Variants in LIPT1 observed in about 807,000 individuals in gnomAD.
LIPT1 encodes lipoyl amidotransferase LIPT1, mitochondrial.
LIPT1 carries 22 observed loss-of-function variants against 25.1 expected under a neutral mutation model. The observed-to-expected ratio is 0.88, with a 90% CI of 0.63 to 1.25. The LOEUF (loss-of-function observed/expected upper bound fraction) is 1.25, where lower values mean the gene tolerates loss of function less well. LIPT1 is among the 50% of genes most tolerant of loss of function. The pLI is 0.00. For missense variants in LIPT1, 399 were observed against 432.8 expected (o/e 0.92, Z 0.69); for synonymous variants, 131 against 150.8 (o/e 0.87, Z 0.96).
rs1301571069 is a variant in LIPT1 at position 99,161,973 on chromosome 2, T to A, written c.16T>A (p.Ser6Thr). 1.3e-6 allele frequency: 2 copies of A among 1,598,694 alleles called. No homozygotes were observed. Among genetic ancestry groups the A allele is most frequent in the Admixed American group, 3.5e-5 (2 of 57,472 alleles). MLIPF[S>T]MKNCFQLLCN... ...TTTTAAAAGCATGCTGATCCCATTTTCAATGAAGAATTGCTTCCAGTTACT... is the reference window on the plus strand; with the variant it reads ...TTTTAAAAGCATGCTGATCCCATTTACAATGAAGAATTGCTTCCAGTTACT... Residue 6 changes from serine to threonine, a missense_variant, in exon 2 of 2, where the codon TCA becomes ACA. Transcript: ENST00000651691.
chr2:99,156,757 G>T (rs2093758562), intron 1 of LIPT1: 1 of 152,224 alleles, frequency 6.6e-6, no homozygotes, highest in Non-Finnish European at 1.5e-5. Flanking sequence ...TAAAATACAT[G>T]CATTGGCTCA....
chr2:99,158,848 T>G, intron 1 of LIPT1, among the ~76,000 whole-genome samples: 1 of 152,246 alleles, frequency 6.6e-6, no homozygotes, highest in East Asian at 1.9e-4. Context: ...GTATTTTAAT[T>G]ATTGCCTTAC....
At chr2:99,158,974 G>T (rs1425102885) in intron 1 of LIPT1, among the ~76,000 whole-genome samples, 1 of 152,118 alleles carries the variant, frequency 6.6e-6, no homozygotes, top group Non-Finnish European at 1.5e-5. Context: ...TGTCGCCCAG[G>T]CTGGAGTGTA....
At chr2:99,161,777 T>G in intron 1 of LIPT1, 180 bp from the exon 2 acceptor site, 2 of 489,414 alleles carry the variant, frequency 4.1e-6, no homozygotes, top group Non-Finnish European at 7.2e-6. Context: ...TGTCTTCATT[T>G]ATTTCTTTTG....
At chr2:99,155,529 C>T in intron 1 of LIPT1, 1 of 455,210 alleles carries the variant, frequency 2.2e-6, no homozygotes, top group Non-Finnish European at 4.4e-6. Flanking sequence ...AGCGAAGTGT[C>T]CCAAGAACAT....
chr2:99,160,276 C>T (rs917615466), intron 1 of LIPT1, among the ~76,000 whole-genome samples: 19 of 152,094 alleles, frequency 1.2e-4, no homozygotes, highest in African/African-American at 3.4e-4. Context: ...GGCATGGTGG[C>T]GCATACCTGT....
Position 99,162,188 on chromosome 2 carries a change from T to C in LIPT1, c.231T>C (p.His77=). The change falls in exon 2 of 2, where the codon CAT becomes CAC. Residue 77 remains histidine (H), a synonymous_variant. Transcript: ENST00000651691. Reference sequence around the variant, plus strand: ...CTCCCTCTGTTGTAATTGGTAGGCATCAAAATCCTTGGCAGGAATGTAACC... The same window carrying C: ...CTCCCTCTGTTGTAATTGGTAGGCACCAAAATCCTTGGCAGGAATGTAACC... ...QNSPSVVIGR[H]QNPWQECNLN... 6.2e-7 allele frequency: 1 copy of C among 1,614,080 alleles called. No individual in the cohort carries two copies. The highest frequency in any genetic ancestry group is 8.5e-7 in the Non-Finnish European group (1 of 1,180,008).
rs1454366201 is a variant in LIPT1 at position 99,162,001 on chromosome 2, G to A, written c.44G>A (p.Cys15Tyr). 1 of 1,611,956 alleles carries A rather than the reference G, an allele frequency of 6.2e-7. No individual in the cohort carries two copies. Among genetic ancestry groups the A allele is most frequent in the Middle Eastern group, 1.7e-4 (1 of 6,050 alleles). The change falls in exon 2 of 2, where the codon TGT (cysteine) becomes TAT (tyrosine). Residue 15 changes from cysteine (C) to tyrosine (Y), a missense_variant. Transcript: ENST00000651691. ...ATGAAGAATTGCTTCCAGTTACTTT[G>A]TAACTGCCAGGTCCCAGCAGCTGGC... The part of the protein sequence containing the change: ...FSMKNCFQLL[C>Y]NCQVPAAGFK...
At chr2:99,156,002 CTT>C (rs2093748681) in intron 1 of LIPT1, among the ~76,000 whole-genome samples, 1 of 152,230 alleles carries the variant, frequency 6.6e-6, no homozygotes, top group Non-Finnish European at 1.5e-5. Flanking sequence ...CTATAGTTCT[CTT>C]TGTAAATCAA....
At chr2:99,155,970 A>T (rs556190138) in intron 1 of LIPT1, among the ~76,000 whole-genome samples, 1 of 152,258 alleles carries the variant, frequency 6.6e-6, no homozygotes, top group African/African-American at 2.4e-5. Flanking sequence ...GCACAGGCTC[A>T]TCTGAATATC....
intron 1 of LIPT1, among the ~76,000 whole-genome samples, chr2:99,158,173 G>C (rs1026697867): frequency 1.3e-5 from 2 of 152,118 alleles, no homozygotes; most frequent in African/African-American, 4.8e-5. Context: ...ATTTGAATGA[G>C]GGCACTCTGG....
chr2:99,155,295 G>A (rs185663050), intron 1 of LIPT1: 123 of 367,684 alleles, frequency 3.3e-4, no homozygotes, highest in Non-Finnish European at 6.2e-4. Context: ...CATGTTGGAC[G>A]CTAGCTGTGT....
At chr2:99,160,997 C>G (rs1265058955) in intron 1 of LIPT1, among the ~76,000 whole-genome samples, 2 of 151,878 alleles carry the variant, frequency 1.3e-5, no homozygotes, top group African/African-American at 4.8e-5. Context: ...AACGCGGTGG[C>G]TCATGCCTGT....
intron 1 of LIPT1, chr2:99,161,325 TATATATATATATAG>T (rs1559169961): frequency 6.0e-5 from 6 of 100,370 alleles, no homozygotes; most frequent in East Asian, 2.8e-4. Context: ...TATATATATA[TATATATATATATAG>T]ATTGAATGTC....
At position 99,162,910 on chromosome 2, in the gene LIPT1, G is replaced by T; in HGVS notation, c.953G>T (p.Trp318Leu). The stretch of plus-strand genomic sequence containing the variant: ...TGTAATATTGAAGCACCTGATCATT[G>T]GTTGCCATTGGAAATACGTGACAAA... ...EICNIEAPDH[W>L]LPLEIRDKLN... Residue 318 changes from tryptophan (W) to leucine (L), a missense_variant, in exon 2 of 2, where the codon TGG becomes TTG. Coordinates refer to ENST00000651691, the MANE Select transcript of LIPT1 (RefSeq NM_145199.3). The T allele has an allele frequency of 6.2e-7, 1 of 1,613,372 alleles. No homozygotes were observed. The highest frequency in any genetic ancestry group is 1.1e-5 in the South Asian group (1 of 90,908).
chr2:99,155,578 A>G (rs1278660535), intron 1 of LIPT1: 2 of 455,216 alleles, frequency 4.4e-6, no homozygotes, highest in Non-Finnish European at 8.8e-6. Flanking sequence ...ACTTCAAAAA[A>G]TTAGTCATTA....
intron 1 of LIPT1, among the ~76,000 whole-genome samples, chr2:99,157,385 C>G (rs1270424115): frequency 2.0e-5 from 3 of 152,148 alleles, no homozygotes; most frequent in Non-Finnish European, 4.4e-5. Flanking sequence ...CTTGACTCCC[C>G]TACCAGCATC....
chr2:99,155,097 G>A (rs562596086), intron 1 of LIPT1, 46 bp downstream of exon 1: 30 of 453,912 alleles, frequency 6.6e-5, no homozygotes, highest in African/African-American at 5.6e-4. Flanking sequence ...GCGGGCCGTA[G>A]CGCGTGGGCG....
intron 1 of LIPT1, among the ~76,000 whole-genome samples, chr2:99,158,477 G>T (rs191212605): frequency 6.6e-6 from 1 of 151,702 alleles, no homozygotes; most frequent in South Asian, 2.1e-4. Context: ...GCACATGCTG[G>T]CTAAAGGGGG....
Sources: allele counts gnomAD v4.1 joint callset (sites outside exome capture counted in the v4.1 genomes callset), GRCh38; gene constraint gnomAD v4.1.1; transcripts MANE v1.5; gene names NCBI Gene and HGNC (gene_info 2026-07-23, HGNC 2026-07-21).